Variants in FAM135B observed in about 807,000 individuals in gnomAD.
The protein encoded by FAM135B is family with sequence similarity 135 member B, also known as protein FAM135B.
FAM135B carries 43 observed loss-of-function variants against 127.7 expected under a neutral mutation model. The observed-to-expected ratio is 0.34, with a 90% CI of 0.26 to 0.43. FAM135B has a LOEUF of 0.43. Ranked by LOEUF, FAM135B falls within the 20% of genes least tolerant of loss-of-function variation. The probability of loss-of-function intolerance (pLI) is 1.00; values close to 1 mark genes in which losing one functional copy is unlikely to be tolerated. For synonymous variants in FAM135B, 670 were observed against 665.1 expected, an observed-to-expected ratio of 1.01 and a Z score of -0.11; for missense variants, 1,558 against 1,725.6, an observed-to-expected ratio of 0.90 and a Z score of 1.72.
intron 2 of FAM135B, among the ~76,000 whole-genome samples, chr8:138,334,591 T>C (rs542058777): frequency 4.1e-4 from 62 of 152,258 alleles, no homozygotes; most frequent in Middle Eastern, 3.4e-3. Flanking sequence ...CCCCTCTACG[T>C]GTCCACATAT....
At chr8:138,371,827 A>G (rs775377430) in intron 1 of FAM135B, among the ~76,000 whole-genome samples, 6 of 152,220 alleles carry the variant, frequency 3.9e-5, no homozygotes, top group East Asian at 1.9e-4. Context: ...GCCACCCACC[A>G]TTCTAGTGAA....
intron 12 of FAM135B, among the ~76,000 whole-genome samples, chr8:138,162,784 G>A (rs1819522959): frequency 6.6e-6 from 1 of 152,218 alleles, no homozygotes. Flanking sequence ...TTCCCACGTG[G>A]ATGGAACAAG....
chr8:138,215,979 A>T (rs1034635134), intron 7 of FAM135B, among the ~76,000 whole-genome samples: 2 of 152,194 alleles, frequency 1.3e-5, no homozygotes, highest in African/African-American at 4.8e-5. Flanking sequence ...AGGGGATGGT[A>T]AAAGTCAGTG....
At chr8:138,237,799 C>T (rs1820419056) in intron 7 of FAM135B, among the ~76,000 whole-genome samples, 1 of 152,158 alleles carries the variant, frequency 6.6e-6, no homozygotes, top group Admixed American at 6.5e-5. Context: ...TGCCAGCCTA[C>T]CCTGTAGACT....
Position 138,414,211 on chromosome 8 carries a change from T to C in FAM135B, c.-19-46209A>G, listed in dbSNP as rs1280632172. ...TCTGTTTCTACCTAAATAATGAATA[T>C]AGAGGATATCTGATATATTATTTTC... On this transcript the variant is annotated intron_variant, in intron 1 of 19. Coordinates refer to ENST00000395297, the MANE Select transcript of FAM135B (RefSeq NM_015912.4). 2.0e-5 allele frequency among the ~76,000 whole-genome samples: 3 copies of C among 151,458 alleles called. No individual in the cohort carries two copies. The East Asian group carries it at 5.8e-4, about 29-fold the overall frequency.
At chr8:138,410,899 A>G (rs1833826967) in intron 1 of FAM135B, among the ~76,000 whole-genome samples, 1 of 152,088 alleles carries the variant, frequency 6.6e-6, no homozygotes, top group Non-Finnish European at 1.5e-5. Context: ...ATTGCTTCAA[A>G]GAGAATAAAA....
chr8:138,314,746 G>A (rs1826949165), intron 2 of FAM135B, among the ~76,000 whole-genome samples: 1 of 79,944 alleles, frequency 1.3e-5, no homozygotes, highest in African/African-American at 4.5e-5. Flanking sequence ...GGTGGCAGAT[G>A]CCTGTAGTCT....
rs541125951 is a variant in FAM135B, at chr8:138,491,258, T to C, written c.-20+5413A>G. On this transcript the variant is annotated intron_variant, in intron 1 of 19. Transcript: ENST00000395297. The stretch of plus-strand genomic sequence containing the variant: ...TCAATTAAAACATAGGGCAAGACTT[T>C]AAAGAATGGGGTGGAAAGAATATGT... Among the ~76,000 whole-genome samples the C allele has an allele frequency of 1.2e-4, 18 of 152,174 alleles. No homozygotes were observed. In the South Asian group the frequency reaches 3.7e-3, roughly 32 times the overall value.
intron 3 of FAM135B, among the ~76,000 whole-genome samples, chr8:138,291,129 C>A (rs1345421364): frequency 2.6e-5 from 4 of 152,126 alleles, no homozygotes; most frequent in Non-Finnish European, 5.9e-5. Context: ...ACACCACATG[C>A]AGAGCTAGCT....
At chr8:138,445,450 C>A (rs1341866333) in intron 1 of FAM135B, among the ~76,000 whole-genome samples, 2 of 152,152 alleles carry the variant, frequency 1.3e-5, no homozygotes, top group African/African-American at 4.8e-5. Context: ...AAAAGCTTAT[C>A]CACCATGATC....
At chr8:138,298,896 C>A (rs1225003206) in intron 3 of FAM135B, among the ~76,000 whole-genome samples, 2 of 151,666 alleles carry the variant, frequency 1.3e-5, no homozygotes, top group East Asian at 3.9e-4. Flanking sequence ...TTCTATACAC[C>A]CCACACTGGG....
In FAM135B at chr8:138,391,758, C is replaced by T. The variant is rs182226578; in HGVS notation, c.-19-23756G>A. Among the ~76,000 whole-genome samples the T allele has an allele frequency of 2.3e-3, 356 of 152,300 alleles. 1 individual carries two copies. Among genetic ancestry groups the T allele is most frequent in the African/African-American group, 7.6e-3 (318 of 41,576 alleles). On this transcript the variant is annotated intron_variant, in intron 1 of 19. Transcript: ENST00000395297. ...TTTGTATATAATTAATTTAACCTTC[C>T]TAACAGCTCCATACAGTAGGTATTA...
At chr8:138,302,209 G>A (rs531212407) in intron 3 of FAM135B, among the ~76,000 whole-genome samples, 2 of 152,134 alleles carry the variant, frequency 1.3e-5, no homozygotes, top group East Asian at 1.9e-4. Context: ...TGAGGAGTCC[G>A]AGGTCATCCA....
chr8:138,367,341 T>C (rs1171082830), intron 2 of FAM135B: 1 of 455,730 alleles, frequency 2.2e-6, no homozygotes, highest in East Asian at 7.0e-5. Context: ...ACAATGAGCC[T>C]TGGAGGTAAG....
At chr8:138,374,147 C>T (rs776232197) in intron 1 of FAM135B, among the ~76,000 whole-genome samples, 17 of 152,148 alleles carry the variant, frequency 1.1e-4, no homozygotes, top group Admixed American at 2.0e-4. Context: ...ATGTCTCCCT[C>T]GGACGCCCAG....
chr8:138,245,210 C>T (rs560765229), intron 6 of FAM135B, among the ~76,000 whole-genome samples: 4 of 152,254 alleles, frequency 2.6e-5, no homozygotes, highest in Admixed American at 6.5e-5. Flanking sequence ...CTCTTTCTGT[C>T]GGAAGGTTAA....
intron 1 of FAM135B, among the ~76,000 whole-genome samples, chr8:138,398,154 G>A (rs1454218551): frequency 6.6e-6 from 1 of 152,176 alleles, no homozygotes; most frequent in Non-Finnish European, 1.5e-5. Flanking sequence ...CACGCCTTCT[G>A]TAAAATGGAA....
Position 138,142,685 on chromosome 8 carries a change from G to T in FAM135B, c.3638+327C>A, listed in dbSNP as rs117652548. On this transcript the variant is annotated intron_variant, in intron 16 of 19. Coordinates refer to ENST00000395297, the MANE Select transcript of FAM135B (RefSeq NM_015912.4). ...TAGAGGTTTAGAAACCTTGCAAAAG[G>T]TTATATATCTGGTACATGGCAAGAA... is the stretch of plus-strand genomic sequence containing the variant. 2.0e-3 allele frequency among the ~76,000 whole-genome samples: 298 copies of T among 152,210 alleles called. 1 individual carries two copies. Among genetic ancestry groups the T allele is most frequent in the Non-Finnish European group, 2.5e-3 (171 of 68,030 alleles).
chr8:138,351,937 G>T (rs768777777), intron 2 of FAM135B, among the ~76,000 whole-genome samples: 31 of 152,018 alleles, frequency 2.0e-4, no homozygotes, highest in Admixed American at 2.0e-3. Flanking sequence ...TGATCTGTCC[G>T]CCTCGGCCTC....
Sources: allele counts gnomAD v4.1 joint callset (sites outside exome capture counted in the v4.1 genomes callset), GRCh38; gene constraint gnomAD v4.1.1; transcripts MANE v1.5; gene names NCBI Gene and HGNC (gene_info 2026-07-23, HGNC 2026-07-21).